Variants in EBF3 observed in about 807,000 individuals in gnomAD.
EBF3 encodes the protein transcription factor COE3.
A neutral mutation model predicts 77.1 loss-of-function variants in EBF3; 18 were observed. The ratio of observed to expected loss-of-function variants is 0.23; its 90% confidence interval spans 0.16 to 0.35. The LOEUF is 0.35. Among genes scored for constraint, EBF3 ranks in the 10% least tolerant of loss-of-function variants. The pLI is 1.00. For synonymous variants in EBF3, 350 were observed against 343.5 expected, an observed-to-expected ratio of 1.02 and a Z score of -0.21; for missense variants, 558 against 860.0, an observed-to-expected ratio of 0.65 and a Z score of 4.39.
rs565661233 is a variant in EBF3, at chr10:129,921,606, C to T, written c.554+35652G>A. The stretch of plus-strand genomic sequence containing the variant: ...CTCTGTGTCCATGCCACCTTTGCAG[C>T]CAGCCCACGGCAGCCTGAGTGACAG... On this transcript the variant is annotated intron_variant, in intron 6 of 16. Transcript: ENST00000440978. Among the ~76,000 whole-genome samples, 4 of 152,330 alleles carry T rather than the reference C, an allele frequency of 2.6e-5. No individual in the cohort carries two copies. The South Asian group carries it at 8.3e-4, about 32-fold the overall frequency.
intron 6 of EBF3, among the ~76,000 whole-genome samples, chr10:129,950,948 T>C (rs1294718327): frequency 6.6e-6 from 1 of 152,214 alleles, no homozygotes; most frequent in African/African-American, 2.4e-5. Context: ...CTGTCTGCAA[T>C]GACAATTTCC....
chr10:129,865,834 G>A (rs970148792), intron 10 of EBF3, among the ~76,000 whole-genome samples: 1 of 152,226 alleles, frequency 6.6e-6, no homozygotes, highest in African/African-American at 2.4e-5. Flanking sequence ...CTGGACAGAG[G>A]AGAGGACTGT....
At chr10:129,930,938 A>T (rs931943568) in intron 6 of EBF3, among the ~76,000 whole-genome samples, 2 of 144,784 alleles carry the variant, frequency 1.4e-5, no homozygotes, top group Non-Finnish European at 1.5e-5. Flanking sequence ...TCATATATCT[A>T]TATCTATCTT....
At chr10:129,855,411 T>C (rs1249121759) in intron 10 of EBF3, among the ~76,000 whole-genome samples, 3 of 152,212 alleles carry the variant, frequency 2.0e-5, no homozygotes, top group African/African-American at 7.2e-5. Flanking sequence ...TCTGTTTACA[T>C]ACCTCAAAGA....
At chr10:129,893,371 TCATA>T (rs1854151583) in intron 6 of EBF3, among the ~76,000 whole-genome samples, 1 of 152,188 alleles carries the variant, frequency 6.6e-6, no homozygotes, top group Non-Finnish European at 1.5e-5. Flanking sequence ...GCATACATTA[TCATA>T]CATAATGTAC....
chr10:129,925,517 G>C (rs1004677987), intron 6 of EBF3, among the ~76,000 whole-genome samples: 1 of 151,102 alleles, frequency 6.6e-6, no homozygotes, highest in South Asian at 2.1e-4. Flanking sequence ...ACTTGGACCC[G>C]GGAGGCAGAG....
chr10:129,962,139 G>C, intron 4 of EBF3, 32 bp downstream of exon 4: 1 of 1,613,244 alleles, frequency 6.2e-7, no homozygotes, highest in Non-Finnish European at 8.5e-7. Flanking sequence ...GCCCAGCAGT[G>C]AAAACTCGTG....
Position 129,947,519 on chromosome 10 carries a change from A to C in EBF3, c.554+9739T>G, listed in dbSNP as rs1295489129. On this transcript the variant is annotated intron_variant, in intron 6 of 16. Transcript: ENST00000440978. The surrounding 1 kb of genome is among the most constrained non-coding windows in gnomAD (Gnocchi z 4.5). The stretch of plus-strand genomic sequence containing the variant: ...GTGCAGTATATTTGCCTTCCCAATA[A>C]TTTAATCATTTTCCTTTTATGGCCT... 6.6e-6 allele frequency among the ~76,000 whole-genome samples: 1 copy of C among 152,184 alleles called. No homozygotes were observed. The highest frequency in any genetic ancestry group is 1.5e-5 in the Non-Finnish European group (1 of 68,038).
intron 6 of EBF3, among the ~76,000 whole-genome samples, chr10:129,910,052 G>GGCT (rs898899982): frequency 6.6e-6 from 1 of 152,222 alleles, no homozygotes; most frequent in African/African-American, 2.4e-5. Flanking sequence ...GTGGAGAGGA[G>GGCT]GCTGGCACTG....
At chr10:129,904,683 T>C (rs866201328) in intron 6 of EBF3, among the ~76,000 whole-genome samples, 1 of 152,058 alleles carries the variant, frequency 6.6e-6, no homozygotes, top group African/African-American at 2.4e-5. Flanking sequence ...TGGATAGAAC[T>C]ATATAATACA....
chr10:129,858,154 A>G (rs1055355350), intron 10 of EBF3, among the ~76,000 whole-genome samples: 4 of 152,186 alleles, frequency 2.6e-5, no homozygotes, highest in East Asian at 3.9e-4. Context: ...GGGGTTGTAC[A>G]TACCAAATGC....
intron 6 of EBF3, among the ~76,000 whole-genome samples, chr10:129,891,670 C>A (rs571506315): frequency 2.6e-5 from 4 of 152,150 alleles, no homozygotes; most frequent in Admixed American, 6.5e-5. Flanking sequence ...CCCAGCAGGC[C>A]GCGCCATCCT....
At chr10:129,894,351 C>T (rs1057062549) in intron 6 of EBF3, among the ~76,000 whole-genome samples, 7 of 152,204 alleles carry the variant, frequency 4.6e-5, no homozygotes, top group African/African-American at 1.7e-4. Flanking sequence ...TTAGTCACAA[C>T]GAGGGCTGAG....
At chr10:129,839,217 G>T in intron 15 of EBF3, 22 bp from the exon 16 acceptor site, 1 of 1,092,366 alleles carries the variant, frequency 9.2e-7, no homozygotes, top group Non-Finnish European at 1.3e-6. Context: ...TAGGTGCTCA[G>T]TAAATACTGG....
intron 10 of EBF3, among the ~76,000 whole-genome samples, chr10:129,865,232 T>TC (rs1252562780): frequency 1.3e-5 from 2 of 152,208 alleles, no homozygotes; most frequent in Admixed American, 6.5e-5. Context: ...ATCTCGCCTT[T>TC]CCCAGGTACC....
chr10:129,924,620 T>A (rs978789582), intron 6 of EBF3, among the ~76,000 whole-genome samples: 28 of 152,286 alleles, frequency 1.8e-4, no homozygotes, highest in African/African-American at 6.3e-4. Context: ...CACATCTCCG[T>A]GTATACACAA....
intron 8 of EBF3, among the ~76,000 whole-genome samples, chr10:129,868,948 C>T (rs1180786217): frequency 6.6e-6 from 1 of 152,246 alleles, no homozygotes; most frequent in African/African-American, 2.4e-5. Context: ...GGCCAGGACA[C>T]TATCCTCAGG....
intron 6 of EBF3, among the ~76,000 whole-genome samples, chr10:129,898,248 A>G (rs1479737228): frequency 6.6e-6 from 1 of 152,250 alleles, no homozygotes; most frequent in Non-Finnish European, 1.5e-5. Flanking sequence ...AGTAAAAGTC[A>G]TGGACAAAAG....
In EBF3 at chr10:129,963,738, C is replaced by T; in HGVS notation, c.31G>A (p.Gly11Arg). The change falls in exon 1 of 17, where the codon GGG becomes AGG. Residue 11 changes from glycine (G) to arginine (R), a missense_variant. Physicochemically the swap from Gly to Arg is moderately radical, Grantham distance 125. Around this residue, in one of 5 missense-constraint regions of EBF3, gnomAD observed 64 missense variants for 54.5 expected, o/e 1.18. Coordinates refer to ENST00000440978, the MANE Select transcript of EBF3 (RefSeq NM_001375380.1). This position sits in a 1 kb window ranked among gnomAD's most constrained non-coding sequence, Gnocchi z 7.1. MFGIQENIPRGGTTMKEEPLG... is the reference protein window; with the variant it reads MFGIQENIPRRGTTMKEEPLG... Reference sequence around the variant, plus strand: ...GGCTCCTCCTTCATGGTCGTCCCCCCGCGCGGAATATTCTCCTGAATCCCA... The same window carrying T: ...GGCTCCTCCTTCATGGTCGTCCCCCTGCGCGGAATATTCTCCTGAATCCCA... 2 of 1,533,500 alleles carry T rather than the reference C, an allele frequency of 1.3e-6. No homozygotes were observed. The highest frequency in any genetic ancestry group is 1.8e-6 in the Non-Finnish European group (2 of 1,132,932). The allele number at this position is 1,533,500 out of a possible 1,614,324, so 95.0% of individuals were successfully genotyped here.
Sources: gnomAD v4.1 joint callset for allele counts (sites outside exome capture counted in the v4.1 genomes callset) on GRCh38, gnomAD v4.1.1 for gene constraint, gnomAD v4.1.1 regional missense constraint, Gnocchi (gnomAD v3.1) non-coding constraint, MANE v1.5 for transcripts, NCBI Gene and HGNC (gene_info 2026-07-23, HGNC 2026-07-21) for gene names.